Variants in GPC6 observed in about 807,000 individuals in gnomAD.
The protein encoded by GPC6 is glypican 6, also known as glypican-6.
A neutral mutation model predicts 55.2 loss-of-function variants in GPC6; 14 were observed. The observed-to-expected ratio is 0.25, with a 90% CI of 0.17 to 0.40. The LOEUF is 0.40. GPC6 is among the 10% of genes least tolerant of loss of function. The pLI is 1.00. For synonymous variants in GPC6, 278 were observed against 259.6 expected (o/e 1.07, Z -0.68); for missense variants, 641 against 708.5 (o/e 0.90, Z 1.08).
intron 3 of GPC6, among the ~76,000 whole-genome samples, chr13:93,865,026 A>G (rs750623161): frequency 1.3e-5 from 2 of 151,748 alleles, no homozygotes; most frequent in Non-Finnish European, 2.9e-5. Flanking sequence ...AGAGCTTAGG[A>G]CATTAAGTGC....
intron 1 of GPC6, among the ~76,000 whole-genome samples, chr13:93,281,966 A>G (rs1594071464): frequency 6.6e-6 from 1 of 152,184 alleles, no homozygotes; most frequent in Non-Finnish European, 1.5e-5. Context: ...CGCTGATGGA[A>G]AGGTAAAAAG....
intron 1 of GPC6, among the ~76,000 whole-genome samples, chr13:93,506,324 A>G (rs1369936025): frequency 6.6e-6 from 1 of 152,232 alleles, no homozygotes; most frequent in Non-Finnish European, 1.5e-5. Flanking sequence ...CAGCTAGCCA[A>G]TAAGAAATTA....
chr13:93,892,084 TACACATAC>T (rs1875723915), intron 3 of GPC6, among the ~76,000 whole-genome samples: 1 of 152,206 alleles, frequency 6.6e-6, no homozygotes, highest in African/African-American at 2.4e-5. Flanking sequence ...ATGTACACAC[TACACATAC>T]ACACATATAT....
intron 1 of GPC6, among the ~76,000 whole-genome samples, chr13:93,368,045 A>G (rs1312238237): frequency 6.6e-6 from 1 of 152,062 alleles, no homozygotes. Context: ...TCAAACTGTA[A>G]TTATTGAATT....
At chr13:93,684,321 G>T (rs758208128) in intron 2 of GPC6, among the ~76,000 whole-genome samples, 1 of 151,980 alleles carries the variant, frequency 6.6e-6, no homozygotes, top group Non-Finnish European at 1.5e-5. Context: ...GAGTAGCTGG[G>T]ACTACAGGTG....
At chr13:93,458,102 C>G (rs1450055923) in intron 1 of GPC6, among the ~76,000 whole-genome samples, 1 of 152,138 alleles carries the variant, frequency 6.6e-6, no homozygotes, top group African/African-American at 2.4e-5. Flanking sequence ...TGGTACAAGG[C>G]TGAAAGAACA....
intron 3 of GPC6, among the ~76,000 whole-genome samples, chr13:94,004,153 C>A (rs570402069): frequency 1.8e-4 from 27 of 152,132 alleles, no homozygotes; most frequent in African/African-American, 5.8e-4. Flanking sequence ...TTAGATTGAA[C>A]CCTGATCTAT....
rs186792264 is a variant in GPC6, at chr13:93,598,987, G to T, written c.319+53566G>T. 2.8e-3 allele frequency among the ~76,000 whole-genome samples: 422 copies of T among 152,238 alleles called. 5 individuals carry two copies. The highest frequency in any genetic ancestry group is 9.8e-3 in the African/African-American group (406 of 41,536). On this transcript the variant is annotated intron_variant, in intron 2 of 8. Coordinates refer to ENST00000377047, the MANE Select transcript of GPC6 (RefSeq NM_005708.5). ...CACTGTGTCTGAGACACCTCAATTTGCAACAGTTCTACTCTTCATACACTT... is the reference window on the plus strand; with the variant it reads ...CACTGTGTCTGAGACACCTCAATTTTCAACAGTTCTACTCTTCATACACTT...
chr13:94,203,728 G>A (rs904941320), intron 4 of GPC6, among the ~76,000 whole-genome samples: 3 of 151,962 alleles, frequency 2.0e-5, no homozygotes, highest in African/African-American at 7.2e-5. Context: ...TCTTTACTTC[G>A]AAAATTCTCA....
rs546083563 is a variant in GPC6 at position 94,177,684 on chromosome 13, C to T, written c.878-108665C>T. 4.6e-5 allele frequency among the ~76,000 whole-genome samples: 7 copies of T among 152,104 alleles called. 1 individual carries two copies. In the South Asian group the frequency reaches 6.2e-4, roughly 14 times the overall value. On this transcript the variant is annotated intron_variant, in intron 4 of 8. Transcript: ENST00000377047. ...TGGACTATACATCATATAAGGCCTT[C>T]GGGAAGCATTAAGAATATTAATAAT... is the stretch of plus-strand genomic sequence containing the variant.
At chr13:93,555,271 C>G (rs1875396637) in intron 2 of GPC6, among the ~76,000 whole-genome samples, 1 of 152,074 alleles carries the variant, frequency 6.6e-6, no homozygotes, top group African/African-American at 2.4e-5. Flanking sequence ...TAGTATTCTT[C>G]TAAAAACTAT....
At chr13:93,874,263 A>G (rs1210599404) in intron 3 of GPC6, among the ~76,000 whole-genome samples, 1 of 151,788 alleles carries the variant, frequency 6.6e-6, no homozygotes, top group African/African-American at 2.4e-5. Flanking sequence ...CATGTGTTTT[A>G]TCATTTAGCT....
chr13:94,175,032 T>G (rs772796062), intron 4 of GPC6, among the ~76,000 whole-genome samples: 1 of 152,168 alleles, frequency 6.6e-6, no homozygotes, highest in Non-Finnish European at 1.5e-5. Context: ...ATATCACCAC[T>G]CTTCAGATTT....
intron 2 of GPC6, 33 bp downstream of exon 2, chr13:93,545,454 T>C: frequency 1.9e-6 from 3 of 1,569,786 alleles, no homozygotes; most frequent in Non-Finnish European, 1.8e-6. Context: ...CAGTTTGTTA[T>C]AGGTGCACTT....
chr13:93,948,487 G>C (rs1879110284), intron 3 of GPC6, among the ~76,000 whole-genome samples: 1 of 152,136 alleles, frequency 6.6e-6, no homozygotes, highest in Admixed American at 6.5e-5. Context: ...TGTAGATAGT[G>C]GTGTCCAGGC....
chr13:93,308,875 T>A (rs912721956), intron 1 of GPC6, among the ~76,000 whole-genome samples: 3 of 152,266 alleles, frequency 2.0e-5, no homozygotes, highest in Admixed American at 6.5e-5. Flanking sequence ...TTTAGTTTAT[T>A]TCAGTGGGAA....
At chr13:93,659,488 A>G (rs556607459) in intron 2 of GPC6, among the ~76,000 whole-genome samples, 2 of 152,066 alleles carry the variant, frequency 1.3e-5, no homozygotes, top group South Asian at 2.1e-4. Context: ...TGGCATCCTA[A>G]TTATATATGA....
chr13:93,845,309 C>G lies in GPC6; in HGVS notation c.711+14764C>G, dbSNP rs879708722. The stretch of plus-strand genomic sequence containing the variant: ...TATCATCTCACACCAGTTAGAATGG[C>G]AATCATTAAAATGTCAGGAAACAAC... On this transcript the variant is annotated intron_variant, in intron 3 of 8. Transcript: ENST00000377047. 5.2e-3 allele frequency among the ~76,000 whole-genome samples: 784 copies of G among 150,372 alleles called. 4 individuals are homozygous for G. Among genetic ancestry groups the G allele is most frequent in the Non-Finnish European group, 8.2e-3 (553 of 67,736 alleles).
chr13:93,792,073 C>T (rs969614545), intron 2 of GPC6, among the ~76,000 whole-genome samples: 1 of 152,180 alleles, frequency 6.6e-6, no homozygotes, highest in Non-Finnish European at 1.5e-5. Flanking sequence ...TAATTCCTTT[C>T]ATTCTTAGCC....
Sources: allele counts gnomAD v4.1 joint callset (sites outside exome capture counted in the v4.1 genomes callset), GRCh38; gene constraint gnomAD v4.1.1; transcripts MANE v1.5; gene names NCBI Gene and HGNC (gene_info 2026-07-23, HGNC 2026-07-21).